SMCO2: variants seen among roughly 807,000 people sequenced by gnomAD.
SMCO2 encodes single-pass membrane and coiled-coil domain-containing protein 2.
In SMCO2, 25 loss-of-function variants were observed where a neutral mutation model predicts 29.5. The ratio of observed to expected loss-of-function variants is 0.85; its 90% CI spans 0.62 to 1.18. The LOEUF (loss-of-function observed/expected upper bound fraction) is 1.18, where lower values mean the gene tolerates loss of function less well. SMCO2 is among the 50% of genes most tolerant of loss of function. The probability of loss-of-function intolerance (pLI) is 0.00; values close to 1 mark genes in which losing one functional copy is unlikely to be tolerated. For missense variants in SMCO2, 348 were observed against 344.5 expected, an observed-to-expected ratio of 1.01 and a Z score of -0.08; for synonymous variants, 117 against 123.3, an observed-to-expected ratio of 0.95 and a Z score of 0.34.
At chr12:27,471,440 C>A (rs977801030) in intron 2 of SMCO2, among the ~76,000 whole-genome samples, 7 of 152,066 alleles carry the variant, frequency 4.6e-5, no homozygotes, top group African/African-American at 1.2e-4. Context: ...CCCCCTCAAC[C>A]CTGACAACAC....
chr12:27,457,405 G>C, the SMCO2 span, among the ~76,000 whole-genome samples: 49 of 152,306 alleles, frequency 3.2e-4, 1 homozygote, highest in Middle Eastern at 6.8e-3. Context: ...AGTTCTGTTT[G>C]TCCCACTCAC....
intron 3 of SMCO2, 149 bp from the exon 4 acceptor site, chr12:27,474,637 G>T: frequency 1.2e-6 from 1 of 856,166 alleles, no homozygotes; most frequent in Non-Finnish European, 1.8e-6. Flanking sequence ...GGGCATGTCT[G>T]CTTAGCTTAC....
chr12:27,437,323 G>C, the SMCO2 span, among the ~76,000 whole-genome samples: 1 of 152,100 alleles, frequency 6.6e-6, no homozygotes, highest in African/African-American at 2.4e-5. Flanking sequence ...ATCTGAGTTA[G>C]AGCCAACACC....
upstream of SMCO2, chr12:27,466,750 G>A (rs1412770603): frequency 6.6e-6 from 1 of 152,310 alleles, no homozygotes; most frequent in African/African-American, 2.4e-5. Context: ...TTGTGAGAGG[G>A]GGTTACAGGC....
At position 27,501,415 on chromosome 12, in the gene SMCO2, CAAAA is replaced by C. The variant is rs540673188; in HGVS notation, c.684-489_684-486del. 3.8e-3 allele frequency among the ~76,000 whole-genome samples: 324 copies of C among 85,864 alleles called. 7 individuals carry two copies. The highest frequency in any genetic ancestry group is 0.012 in the African/African-American group (261 of 20,930). 56.3% of individuals were successfully genotyped at this position (85,864 alleles called of 152,430 possible). A position where few individuals can be genotyped will look rare whatever the true frequency, so the allele number is the denominator to read the frequency against. On this transcript the variant is annotated intron_variant, in intron 7 of 7. Coordinates refer to ENST00000298876, the Ensembl canonical transcript of SMCO2. The stretch of plus-strand genomic sequence containing the variant: ...TGGGCGAAAGAGTGAGACTCCGTCT[CAAAA>C]AAAAAAAAAAAAAAAAAACAAACAA...
upstream of SMCO2, among the ~76,000 whole-genome samples, chr12:27,463,469 G>A (rs530795314): frequency 2.3e-4 from 35 of 152,114 alleles, no homozygotes; most frequent in Admixed American, 3.3e-4. Flanking sequence ...GTTTCACCAC[G>A]TTGGCCAGGC....
chr12:27,441,922 C>T, the SMCO2 span, among the ~76,000 whole-genome samples: 2 of 152,132 alleles, frequency 1.3e-5, no homozygotes, highest in Admixed American at 1.3e-4. Flanking sequence ...CCTTGGAAAA[C>T]ATACAAACAT....
chr12:27,427,641 G>A, the SMCO2 span, among the ~76,000 whole-genome samples: 1 of 152,154 alleles, frequency 6.6e-6, no homozygotes, highest in Admixed American at 6.5e-5. Flanking sequence ...CAGCCAGACA[G>A]CCTGGAGCCA....
chr12:27,437,222 G>C, the SMCO2 span, among the ~76,000 whole-genome samples: 2 of 152,142 alleles, frequency 1.3e-5, no homozygotes, highest in Non-Finnish European at 2.9e-5. Context: ...AGTGAGCTAT[G>C]ATGGTGCTAC....
At chr12:27,425,997 C>A in the SMCO2 span, among the ~76,000 whole-genome samples, 1 of 152,174 alleles carries the variant, frequency 6.6e-6, no homozygotes, top group Non-Finnish European at 1.5e-5. Context: ...TCCAGGTCAA[C>A]AGCCTGGAAT....
At chr12:27,426,759 A>G in the SMCO2 span, among the ~76,000 whole-genome samples, 1 of 152,234 alleles carries the variant, frequency 6.6e-6, no homozygotes, top group Non-Finnish European at 1.5e-5. Context: ...TAACCCAAAT[A>G]ACAGTAGAAA....
chr12:27,495,283 C>G (rs902079409), intron 6 of SMCO2, among the ~76,000 whole-genome samples: 3 of 139,302 alleles, frequency 2.2e-5, no homozygotes, highest in Non-Finnish European at 4.6e-5. Context: ...CACTTGCCCC[C>G]AGCCCCTGTA....
chr12:27,449,524 C>T, the SMCO2 span, among the ~76,000 whole-genome samples: 3 of 152,190 alleles, frequency 2.0e-5, no homozygotes, highest in South Asian at 4.1e-4. Flanking sequence ...AGTAATGAGG[C>T]TTCTCCTCCA....
chr12:27,463,720 A>G (rs1190151642), upstream of SMCO2, among the ~76,000 whole-genome samples: 1 of 152,178 alleles, frequency 6.6e-6, no homozygotes, highest in African/African-American at 2.4e-5. Context: ...CTCTCAAACT[A>G]TGAAAATAAG....
the SMCO2 span, among the ~76,000 whole-genome samples, chr12:27,456,472 T>C: frequency 1.3e-5 from 2 of 152,074 alleles, no homozygotes; most frequent in Admixed American, 6.6e-5. Flanking sequence ...GGGGGAGGAA[T>C]GGGGTCTTGC....
the SMCO2 span, among the ~76,000 whole-genome samples, chr12:27,447,476 G>A: frequency 2.0e-5 from 3 of 152,208 alleles, no homozygotes; most frequent in East Asian, 1.9e-4. Context: ...AGGCAGAATC[G>A]GCCAGGTGCG....
chr12:27,471,384 T>G (rs1464487231), intron 2 of SMCO2, among the ~76,000 whole-genome samples: 1 of 152,132 alleles, frequency 6.6e-6, no homozygotes, highest in Non-Finnish European at 1.5e-5. Context: ...TCTGTATAGA[T>G]TCCAGGATCC....
At chr12:27,483,521 G>A (rs1335202352) in intron 4 of SMCO2, among the ~76,000 whole-genome samples, 4 of 151,842 alleles carry the variant, frequency 2.6e-5, no homozygotes, top group South Asian at 4.2e-4. Flanking sequence ...GGGCTCAAGC[G>A]GTCCTCCCAC....
chr12:27,449,832 C>A, the SMCO2 span, among the ~76,000 whole-genome samples: 1 of 152,168 alleles, frequency 6.6e-6, no homozygotes, highest in South Asian at 2.1e-4. Flanking sequence ...CATTAGAGAA[C>A]CAAAAGGAGG....
Sources: gnomAD v4.1 joint callset for allele counts (sites outside exome capture counted in the v4.1 genomes callset) on GRCh38, gnomAD v4.1.1 for gene constraint, MANE v1.5 for transcripts, NCBI Gene and HGNC (gene_info 2026-07-23, HGNC 2026-07-21) for gene names.